Variants in DYNC1I1 observed in about 807,000 individuals in gnomAD.
DYNC1I1 encodes dynein cytoplasmic 1 intermediate chain 1.
DYNC1I1 carries 43 observed loss-of-function variants against 86.6 expected under a neutral mutation model. That is an observed-to-expected ratio of 0.50 (90% confidence interval 0.39 to 0.64). The LOEUF (loss-of-function observed/expected upper bound fraction) is 0.64, where lower values mean the gene tolerates loss of function less well. Among genes scored for constraint, DYNC1I1 ranks in the 30% least tolerant of loss-of-function variants. The pLI is 0.00. For missense variants in DYNC1I1, 604 were observed against 788.8 expected (o/e 0.77, Z 2.81); for synonymous variants, 262 against 283.7 (o/e 0.92, Z 0.77).
chr7:96,019,550 G>A (rs566008300), intron 10 of DYNC1I1, among the ~76,000 whole-genome samples: 2 of 152,170 alleles, frequency 1.3e-5, no homozygotes, highest in African/African-American at 4.8e-5. Context: ...TGATGCTAAG[G>A]TACAGGCGAA....
chr7:95,836,203 A>G (rs1459493326), intron 5 of DYNC1I1, among the ~76,000 whole-genome samples: 1 of 151,976 alleles, frequency 6.6e-6, no homozygotes, highest in African/African-American at 2.4e-5. Context: ...GCTTGTCTGT[A>G]AAGTATTTTA....
intron 10 of DYNC1I1, among the ~76,000 whole-genome samples, chr7:96,008,119 GTTTAA>G (rs748729224): frequency 5.9e-5 from 9 of 152,194 alleles, no homozygotes; most frequent in Non-Finnish European, 1.2e-4. Context: ...CTTAACATAT[GTTTAA>G]TTTGAGTAAC....
intron 6 of DYNC1I1, among the ~76,000 whole-genome samples, chr7:95,945,481 C>T (rs532526085): frequency 1.6e-4 from 25 of 152,156 alleles, no homozygotes; most frequent in African/African-American, 5.8e-4. Context: ...AAAAGTACTC[C>T]TTTAGAACTA....
intron 1 of DYNC1I1, 125 bp downstream of exon 1, chr7:95,772,898 C>T (rs1325832454): frequency 3.9e-5 from 6 of 152,464 alleles, no homozygotes; most frequent in African/African-American, 1.4e-4. Context: ...CAGCCGCAGC[C>T]GGACCCTTGT....
At chr7:95,999,401 A>G (rs1477927018) in intron 10 of DYNC1I1, among the ~76,000 whole-genome samples, 2 of 152,178 alleles carry the variant, frequency 1.3e-5, no homozygotes, top group Non-Finnish European at 2.9e-5. Flanking sequence ...GGTGGACCTG[A>G]CAATGACCTG....
At chr7:95,789,536 G>A (rs1371806604) in intron 1 of DYNC1I1, among the ~76,000 whole-genome samples, 3 of 152,150 alleles carry the variant, frequency 2.0e-5, no homozygotes, top group African/African-American at 7.2e-5. Flanking sequence ...AAATAGAGTG[G>A]AGTTTGCTTT....
At chr7:96,084,276 T>C (rs1297371354) in intron 16 of DYNC1I1, among the ~76,000 whole-genome samples, 1 of 146,758 alleles carries the variant, frequency 6.8e-6, no homozygotes, top group Admixed American at 6.9e-5. Context: ...GCCGGTCCTG[T>C]CAACTAGAGT....
chr7:95,852,587 A>G (rs1035494497), intron 5 of DYNC1I1, among the ~76,000 whole-genome samples: 4 of 151,876 alleles, frequency 2.6e-5, no homozygotes, highest in South Asian at 4.2e-4. Flanking sequence ...GCTCACTGCA[A>G]CCTCTGCCTC....
intron 6 of DYNC1I1, among the ~76,000 whole-genome samples, chr7:95,871,014 G>T (rs2116172211): frequency 6.6e-6 from 1 of 152,278 alleles, no homozygotes; most frequent in South Asian, 2.1e-4. Context: ...ATGCAAAAAT[G>T]ATTAGCATTT....
chr7:95,869,182 C>T (rs949348119), intron 5 of DYNC1I1, among the ~76,000 whole-genome samples: 9 of 152,268 alleles, frequency 5.9e-5, no homozygotes, highest in African/African-American at 2.2e-4. Flanking sequence ...AGGCACGTAA[C>T]ATAATGAATC....
chr7:95,777,227 C>A (rs533815191), intron 1 of DYNC1I1, among the ~76,000 whole-genome samples: 2 of 152,208 alleles, frequency 1.3e-5, no homozygotes, highest in South Asian at 4.2e-4. Context: ...AAAAGCAAGC[C>A]CTGCTTTAAC....
chr7:96,007,139 A>G (rs1207611733), intron 10 of DYNC1I1, among the ~76,000 whole-genome samples: 5 of 152,196 alleles, frequency 3.3e-5, no homozygotes, highest in Admixed American at 2.0e-4. Flanking sequence ...AGAGAAAAAA[A>G]TTACCCTTTA....
chr7:95,862,107 C>T (rs1292437838), intron 5 of DYNC1I1, among the ~76,000 whole-genome samples: 2 of 151,988 alleles, frequency 1.3e-5, no homozygotes, highest in African/African-American at 2.4e-5. Flanking sequence ...TAGGAGAAAA[C>T]ATAGGTTTAA....
intron 16 of DYNC1I1, among the ~76,000 whole-genome samples, chr7:96,097,135 A>G (rs933083805): frequency 3.9e-5 from 6 of 152,186 alleles, no homozygotes; most frequent in Admixed American, 2.6e-4. Context: ...CATTATATGC[A>G]GTTTTTATTT....
At chr7:96,065,052 A>G (rs1789924358) in intron 14 of DYNC1I1, among the ~76,000 whole-genome samples, 1 of 152,190 alleles carries the variant, frequency 6.6e-6, no homozygotes, top group South Asian at 2.1e-4. Context: ...AATTTGGGTT[A>G]GCTTGCAAAC....
intron 14 of DYNC1I1, among the ~76,000 whole-genome samples, chr7:96,072,036 C>A (rs7796183): frequency 0.22 from 32,837 of 152,160 alleles, 3,661 homozygotes; most frequent in East Asian, 0.33. Context: ...AAGTTACTAA[C>A]TTTCCTGAAC....
chr7:96,087,408 G>C (rs767775201), intron 16 of DYNC1I1, among the ~76,000 whole-genome samples: 2 of 152,174 alleles, frequency 1.3e-5, no homozygotes, highest in Non-Finnish European at 2.9e-5. Flanking sequence ...GCCTCCAGAA[G>C]AGCACAGTTG....
chr7:95,874,993 T>A (rs962633782), intron 6 of DYNC1I1, among the ~76,000 whole-genome samples: 3 of 152,190 alleles, frequency 2.0e-5, no homozygotes, highest in Non-Finnish European at 4.4e-5. Flanking sequence ...TGATTTAAAC[T>A]CTGTAGTCAC....
At chr7:95,838,517 T>G (rs974449626) in intron 5 of DYNC1I1, among the ~76,000 whole-genome samples, 2 of 152,216 alleles carry the variant, frequency 1.3e-5, no homozygotes, top group African/African-American at 4.8e-5. Flanking sequence ...CTTTGGTTAT[T>G]CAAGGTCTTT....
Sources: gnomAD v4.1 joint callset for allele counts (sites outside exome capture counted in the v4.1 genomes callset) on GRCh38, gnomAD v4.1.1 for gene constraint, MANE v1.5 for transcripts, NCBI Gene and HGNC (gene_info 2026-07-23, HGNC 2026-07-21) for gene names.